Variants in CNTN4 observed in about 807,000 individuals in gnomAD.
CNTN4 encodes the protein contactin-4.
CNTN4 carries 77 observed loss-of-function variants against 122.5 expected under a neutral mutation model. That is an observed-to-expected ratio of 0.63 (90% CI 0.52 to 0.76). CNTN4 has a LOEUF of 0.76. CNTN4 is among the 30% of genes least tolerant of loss of function. CNTN4 has a pLI of 0.00. For synonymous variants in CNTN4, 512 were observed against 447.0 expected (o/e 1.15, Z -1.83); for missense variants, 1,256 against 1,259.1 (o/e 1.00, Z 0.04).
chr3:2,147,107 T>C (rs1559286945), intron 2 of CNTN4, among the ~76,000 whole-genome samples: 1 of 152,100 alleles, frequency 6.6e-6, no homozygotes, highest in Non-Finnish European at 1.5e-5. Context: ...TCTTGATCTC[T>C]TGACCTCGTG....
intron 3 of CNTN4, among the ~76,000 whole-genome samples, chr3:2,379,338 A>G (rs1048040452): frequency 1.3e-5 from 2 of 151,938 alleles, no homozygotes; most frequent in Non-Finnish European, 1.5e-5. Context: ...TTCAAGAAGC[A>G]TGCAGATCTG....
At chr3:2,174,819 A>G (rs1362828395) in intron 2 of CNTN4, among the ~76,000 whole-genome samples, 1 of 152,180 alleles carries the variant, frequency 6.6e-6, no homozygotes, top group Non-Finnish European at 1.5e-5. Flanking sequence ...CAGAAGGCAA[A>G]GCAGGAGCGG....
chr3:2,595,030 C>G (rs778704161), intron 4 of CNTN4, among the ~76,000 whole-genome samples: 1 of 152,222 alleles, frequency 6.6e-6, no homozygotes, highest in Non-Finnish European at 1.5e-5. Context: ...CAGCCTTGAA[C>G]CAGGTGAAAT....
chr3:2,609,689 T>G (rs1221208882), intron 4 of CNTN4, among the ~76,000 whole-genome samples: 1 of 152,196 alleles, frequency 6.6e-6, no homozygotes, highest in Non-Finnish European at 1.5e-5. Context: ...AATATACCTT[T>G]GAGACTTGAA....
At chr3:2,866,000 G>A (rs2093719924) in intron 7 of CNTN4, among the ~76,000 whole-genome samples, 1 of 152,204 alleles carries the variant, frequency 6.6e-6, no homozygotes. Flanking sequence ...TAATATGGAT[G>A]TATATTTGTG....
intron 2 of CNTN4, among the ~76,000 whole-genome samples, chr3:2,307,004 A>G (rs182727656): frequency 1.3e-3 from 198 of 152,328 alleles, no homozygotes; most frequent in Admixed American, 5.2e-3. Flanking sequence ...TATTAAATCT[A>G]AAATTTTCTG....
At chr3:2,294,612 C>T (rs1244084469) in intron 2 of CNTN4, among the ~76,000 whole-genome samples, 2 of 152,050 alleles carry the variant, frequency 1.3e-5, no homozygotes, top group African/African-American at 2.4e-5. Flanking sequence ...GCCTGGGTGA[C>T]AGTGAGACCT....
chr3:2,904,990 A>G (rs1285900007), intron 12 of CNTN4, among the ~76,000 whole-genome samples: 2 of 152,176 alleles, frequency 1.3e-5, no homozygotes, highest in Admixed American at 1.3e-4. Context: ...ATTTATATCT[A>G]GAGTGCCTAC....
intron 2 of CNTN4, among the ~76,000 whole-genome samples, chr3:2,139,950 T>TG (rs1209284708): frequency 7.9e-5 from 12 of 152,206 alleles, no homozygotes; most frequent in Non-Finnish European, 1.6e-4. Context: ...CCACCTGTCA[T>TG]GGGGGGCACC....
intron 8 of CNTN4, among the ~76,000 whole-genome samples, chr3:2,879,096 C>T (rs953865353): frequency 2.0e-5 from 3 of 152,070 alleles, no homozygotes; most frequent in African/African-American, 7.2e-5. Context: ...GAAATAGAGT[C>T]ATTGTAGATG....
At chr3:2,919,485 G>A (rs2094405668) in intron 12 of CNTN4, among the ~76,000 whole-genome samples, 1 of 152,100 alleles carries the variant, frequency 6.6e-6, no homozygotes, top group Admixed American at 6.5e-5. Context: ...TACAGATCCA[G>A]GATACATATT....
intron 7 of CNTN4, among the ~76,000 whole-genome samples, chr3:2,824,090 A>G (rs1206088655): frequency 6.6e-6 from 1 of 151,742 alleles, no homozygotes; most frequent in Admixed American, 6.6e-5. Context: ...TGTTAAAACC[A>G]TAGGTGTCCA....
chr3:2,667,895 T>C (rs1023983439), intron 4 of CNTN4, among the ~76,000 whole-genome samples: 1 of 152,106 alleles, frequency 6.6e-6, no homozygotes, highest in African/African-American at 2.4e-5. Flanking sequence ...AAAGATCAGA[T>C]AGTTATAGAT....
At chr3:2,128,141 T>C (rs2034269909) in intron 2 of CNTN4, among the ~76,000 whole-genome samples, 1 of 152,196 alleles carries the variant, frequency 6.6e-6, no homozygotes, top group African/African-American at 2.4e-5. Context: ...CAGGGCTTTA[T>C]CTGCTTGCAG....
chr3:2,805,683 G>T (rs898804853), intron 6 of CNTN4, among the ~76,000 whole-genome samples: 1 of 152,082 alleles, frequency 6.6e-6, no homozygotes, highest in Admixed American at 6.5e-5. Context: ...CAGTGAGCAG[G>T]GCCGAGGTGG....
At chr3:2,618,303 A>G (rs2081856147) in intron 4 of CNTN4, among the ~76,000 whole-genome samples, 1 of 152,104 alleles carries the variant, frequency 6.6e-6, no homozygotes, top group Non-Finnish European at 1.5e-5. Flanking sequence ...ATATGTGTGT[A>G]TGTATGTATA....
At chr3:2,608,908 C>G (rs188257608) in intron 4 of CNTN4, among the ~76,000 whole-genome samples, 1 of 152,314 alleles carries the variant, frequency 6.6e-6, no homozygotes, top group Non-Finnish European at 1.5e-5. Flanking sequence ...CAAATATTCT[C>G]TCTAGTCAGG....
chr3:2,174,211 A>G (rs1157704227), intron 2 of CNTN4, among the ~76,000 whole-genome samples: 1 of 152,196 alleles, frequency 6.6e-6, no homozygotes, highest in East Asian at 1.9e-4. Flanking sequence ...AAAAGAGGCT[A>G]TAGTTGTTCA....
At chr3:2,558,917 A>G (rs1207860448) in intron 3 of CNTN4, among the ~76,000 whole-genome samples, 5 of 152,216 alleles carry the variant, frequency 3.3e-5, no homozygotes, top group African/African-American at 4.8e-5. Flanking sequence ...GATTGGCAGC[A>G]TGTACTCATT....
Sources: allele counts gnomAD v4.1 joint callset (sites outside exome capture counted in the v4.1 genomes callset), GRCh38; gene constraint gnomAD v4.1.1; transcripts MANE v1.5; gene names NCBI Gene and HGNC (gene_info 2026-07-23, HGNC 2026-07-21).